The following ZFHX3 variants were observed in gnomAD, a reference collection of about 807,000 sequenced individuals.
The protein encoded by ZFHX3 is zinc finger homeobox protein 3.
A neutral mutation model predicts 279.1 loss-of-function variants in ZFHX3; 42 were observed. The observed-to-expected ratio is 0.15, with a 90% CI of 0.12 to 0.19. The LOEUF is 0.19. Ranked by LOEUF, ZFHX3 falls within the 10% of genes least tolerant of loss-of-function variation. The pLI is 1.00. For missense variants in ZFHX3, 4,981 were observed against 4,754.0 expected, an observed-to-expected ratio of 1.05 and a Z score of -1.40; for synonymous variants, 2,293 against 1,957.8, an observed-to-expected ratio of 1.17 and a Z score of -4.52.
At chr16:73,271,214 G>C (rs1597254535) in intron 4 of ZFHX3, among the ~76,000 whole-genome samples, 1 of 152,194 alleles carries the variant, frequency 6.6e-6, no homozygotes, top group East Asian at 1.9e-4. Context: ...CACCGGGAAA[G>C]AGCCCAGTCA....
At chr16:73,677,493 GAAC>G (rs1482078187) in intron 2 of ZFHX3, among the ~76,000 whole-genome samples, 36 of 151,804 alleles carry the variant, frequency 2.4e-4, no homozygotes, top group Admixed American at 2.4e-3. Flanking sequence ...TAGGAAAACA[GAAC>G]AACTGGAAAT....
intron 3 of ZFHX3, among the ~76,000 whole-genome samples, chr16:72,931,192 C>G (rs1260048887): frequency 2.0e-5 from 3 of 152,152 alleles, no homozygotes; most frequent in African/African-American, 4.8e-5. Flanking sequence ...TTCAAGTATA[C>G]TTTCCAGATC....
intron 7 of ZFHX3, among the ~76,000 whole-genome samples, chr16:73,103,272 G>C (rs955133329): frequency 6.6e-6 from 1 of 152,100 alleles, no homozygotes; most frequent in Non-Finnish European, 1.5e-5. Flanking sequence ...TACTGGATAA[G>C]GCTTAAAATC....
At chr16:73,074,357 A>G (rs933640261) in intron 8 of ZFHX3, among the ~76,000 whole-genome samples, 2 of 152,200 alleles carry the variant, frequency 1.3e-5, no homozygotes, top group African/African-American at 4.8e-5. Context: ...CGGAAACCAA[A>G]ATAATAGCAA....
In ZFHX3 at chr16:73,041,166, A is replaced by G. The variant is rs539627143; in HGVS notation, c.-50+6586T>C. Among the ~76,000 whole-genome samples, 11 of 152,320 alleles carry G rather than the reference A, an allele frequency of 7.2e-5. No individual in the cohort carries two copies. In the East Asian group the frequency reaches 1.9e-3, roughly 27 times the overall value. On this transcript the variant is annotated intron_variant, in intron 1 of 9. Transcript: ENST00000268489. Reference sequence around the variant, plus strand: ...GTAATTATTTCCTACCTTCAAACAAACAATGAGGAAGACCACACCTCCCTC... The same window carrying G: ...GTAATTATTTCCTACCTTCAAACAAGCAATGAGGAAGACCACACCTCCCTC...
chr16:73,309,215 T>A (rs571299129), intron 4 of ZFHX3, among the ~76,000 whole-genome samples: 25 of 152,258 alleles, frequency 1.6e-4, no homozygotes, highest in African/African-American at 5.1e-4. Context: ...TTTTTTTGGA[T>A]CCTCTCCCTT....
intron 2 of ZFHX3, among the ~76,000 whole-genome samples, chr16:73,631,918 C>G (rs2052473324): frequency 1.8e-5 from 2 of 108,692 alleles, no homozygotes; most frequent in South Asian, 3.1e-4. Context: ...CTCTCTCTCT[C>G]TCTCTCTCTC....
chr16:72,969,932 G>A (rs1269920760), intron 1 of ZFHX3, among the ~76,000 whole-genome samples: 1 of 152,218 alleles, frequency 6.6e-6, no homozygotes, highest in African/African-American at 2.4e-5. Flanking sequence ...GCTTGAACAG[G>A]CGCCTTGTGC....
intron 5 of ZFHX3, among the ~76,000 whole-genome samples, chr16:73,245,159 C>T (rs1333023506): frequency 6.6e-6 from 1 of 152,218 alleles, no homozygotes; most frequent in African/African-American, 2.4e-5. Context: ...TAGCAGTCAC[C>T]ACACTGCCCT....
chr16:73,222,543 A>G (rs2012457394), intron 5 of ZFHX3, among the ~76,000 whole-genome samples: 1 of 152,172 alleles, frequency 6.6e-6, no homozygotes. Flanking sequence ...GAGGAAAACC[A>G]CAAAACTTTG....
At chr16:73,598,340 C>G (rs913050289) in intron 2 of ZFHX3, among the ~76,000 whole-genome samples, 11 of 152,136 alleles carry the variant, frequency 7.2e-5, no homozygotes, top group African/African-American at 2.7e-4. Context: ...CTCCATAAAT[C>G]TCAGTTCATA....
intron 4 of ZFHX3, among the ~76,000 whole-genome samples, chr16:73,276,291 C>A (rs534558808): frequency 3.4e-4 from 52 of 151,226 alleles, no homozygotes; most frequent in African/African-American, 1.2e-3. Flanking sequence ...TCAAGCGATT[C>A]TCTTGCCTCA....
At chr16:73,002,269 C>G (rs1425749775) in intron 1 of ZFHX3, among the ~76,000 whole-genome samples, 1 of 152,182 alleles carries the variant, frequency 6.6e-6, no homozygotes, top group Non-Finnish European at 1.5e-5. Context: ...AGGAGAACTC[C>G]ATCAGTAACT....
intron 5 of ZFHX3, among the ~76,000 whole-genome samples, chr16:73,217,768 A>G (rs546586112): frequency 2.4e-4 from 37 of 151,968 alleles, no homozygotes; most frequent in Admixed American, 6.5e-4. Flanking sequence ...ATTTTTTTCT[A>G]CCCAAGGCAC....
At position 72,785,841 on chromosome 16, in the gene ZFHX3, G is replaced by T. The variant is rs1434080876; in HGVS notation, c.*1323C>A. 1.3e-5 allele frequency: 2 copies of T among 152,050 alleles called. No individual in the cohort carries two copies. The highest frequency in any genetic ancestry group is 4.8e-5 in the African/African-American group (2 of 41,482). The allele number at this position is 152,050 out of a possible 1,614,324, so 9.4% of individuals were successfully genotyped here. A position where few individuals can be genotyped will look rare whatever the true frequency, so the allele number is the denominator to read the frequency against. On this transcript the variant is annotated 3_prime_UTR_variant, in exon 10 of 10. Transcript: ENST00000268489. ...ACAAAGAAAAAAAAGCCAAAAGAAG[G>T]ATAAATAAAAAATAAATGCACAAAG...
At chr16:73,232,220 C>CT (rs2012798759) in intron 5 of ZFHX3, 1 of 152,380 alleles carries the variant, frequency 6.6e-6, no homozygotes. Flanking sequence ...CCGTGGAGCA[C>CT]TGCAGTGTCG....
chr16:73,202,099 A>C (rs773488290), intron 5 of ZFHX3, among the ~76,000 whole-genome samples: 3 of 152,168 alleles, frequency 2.0e-5, no homozygotes, highest in African/African-American at 4.8e-5. Context: ...TTAAATGTAA[A>C]GATCTCAGCT....
At chr16:73,810,601 T>G (rs563295707) in intron 1 of ZFHX3, among the ~76,000 whole-genome samples, 5 of 152,322 alleles carry the variant, frequency 3.3e-5, no homozygotes, top group African/African-American at 1.2e-4. Flanking sequence ...TGAGCCTTAA[T>G]GCAACCCTAT....
intron 8 of ZFHX3, among the ~76,000 whole-genome samples, chr16:72,799,467 C>G (rs749379849): frequency 4.6e-5 from 7 of 152,160 alleles, no homozygotes; most frequent in Non-Finnish European, 1.0e-4. Context: ...CAACTTAGAA[C>G]TCTTCCCACC....
Sources: allele counts gnomAD v4.1 joint callset (sites outside exome capture counted in the v4.1 genomes callset), GRCh38; gene constraint gnomAD v4.1.1; transcripts MANE v1.5; gene names NCBI Gene and HGNC (gene_info 2026-07-23, HGNC 2026-07-21).